The following MYRIP variants were observed in gnomAD, a reference collection of about 807,000 sequenced individuals.
MYRIP encodes myosin VIIA and Rab interacting protein, also known as rab effector MyRIP.
A neutral mutation model predicts 98.0 loss-of-function variants in MYRIP; 49 were observed. The ratio of observed to expected loss-of-function variants is 0.50; its 90% confidence interval spans 0.40 to 0.63. The LOEUF is 0.63. Ranked by LOEUF, MYRIP falls within the 30% of genes least tolerant of loss-of-function variation. The pLI, the probability that MYRIP is intolerant of heterozygous loss-of-function variation, is 0.00. For synonymous variants in MYRIP, 404 were observed against 409.5 expected (o/e 0.99, Z 0.16); for missense variants, 1,004 against 1,058.2 (o/e 0.95, Z 0.71).
At chr3:39,889,082 G>A (rs1170889641) in intron 1 of MYRIP, among the ~76,000 whole-genome samples, 1 of 152,106 alleles carries the variant, frequency 6.6e-6, no homozygotes, top group Non-Finnish European at 1.5e-5. Context: ...CTGTTGGTGG[G>A]ACTGTAAACT....
chr3:40,042,454 T>A (rs923309247), intron 2 of MYRIP, among the ~76,000 whole-genome samples: 2 of 152,080 alleles, frequency 1.3e-5, no homozygotes, highest in Non-Finnish European at 2.9e-5. Flanking sequence ...AAATTAAGCA[T>A]TTCTAAATGA....
At chr3:40,035,576 G>C (rs936191325) in intron 2 of MYRIP, among the ~76,000 whole-genome samples, 2 of 151,904 alleles carry the variant, frequency 1.3e-5, no homozygotes, top group African/African-American at 4.8e-5. Flanking sequence ...AATCAGGAAG[G>C]GGGCGTAAAA....
At chr3:39,949,326 C>T (rs1251465124) in intron 2 of MYRIP, among the ~76,000 whole-genome samples, 2 of 152,090 alleles carry the variant, frequency 1.3e-5, no homozygotes, top group African/African-American at 4.8e-5. Context: ...GTAACAATCC[C>T]TTGTCCTGTT....
At chr3:40,056,532 G>A (rs979330648) in intron 3 of MYRIP, among the ~76,000 whole-genome samples, 1 of 152,170 alleles carries the variant, frequency 6.6e-6, no homozygotes, top group Non-Finnish European at 1.5e-5. Flanking sequence ...AGCTGCTGTA[G>A]GGGCAAGCTT....
chr3:40,154,673 G>A (rs1950183946), intron 4 of MYRIP, among the ~76,000 whole-genome samples: 1 of 152,212 alleles, frequency 6.6e-6, no homozygotes, highest in East Asian at 1.9e-4. Context: ...AGCCCCACAT[G>A]TATTAGCTAT....
chr3:39,861,091 G>A (rs969207459), intron 1 of MYRIP, among the ~76,000 whole-genome samples: 3 of 152,210 alleles, frequency 2.0e-5, no homozygotes, highest in Admixed American at 1.3e-4. Flanking sequence ...CCACCCATAA[G>A]GGTGTTGTGA....
intron 4 of MYRIP, among the ~76,000 whole-genome samples, chr3:40,160,354 C>T (rs1276417955): frequency 6.6e-6 from 1 of 152,214 alleles, no homozygotes; most frequent in Non-Finnish European, 1.5e-5. Flanking sequence ...TGCCTGTTCT[C>T]AGATCTCCAG....
intron 1 of MYRIP, among the ~76,000 whole-genome samples, chr3:39,815,399 ATGTGTG>A (rs772232777): frequency 6.6e-6 from 1 of 151,532 alleles, no homozygotes; most frequent in Non-Finnish European, 1.5e-5. Flanking sequence ...CATCATATAT[ATGTGTG>A]TGTGTGTGTA....
intron 3 of MYRIP, among the ~76,000 whole-genome samples, chr3:40,142,095 C>T (rs1949913031): frequency 6.7e-6 from 1 of 148,876 alleles, no homozygotes; most frequent in South Asian, 2.2e-4. Context: ...TCTTGTCCCC[C>T]AGGCTTGAGT....
At chr3:40,212,262 G>A (rs1192699319) in intron 11 of MYRIP, among the ~76,000 whole-genome samples, 5 of 100,878 alleles carry the variant, frequency 5.0e-5, no homozygotes, top group Non-Finnish European at 6.7e-5. Context: ...ATATATACAC[G>A]TATATATATA....
chr3:40,109,292 G>A (rs1385136719), intron 3 of MYRIP, among the ~76,000 whole-genome samples: 10 of 152,136 alleles, frequency 6.6e-5, no homozygotes, highest in Non-Finnish European at 1.2e-4. Flanking sequence ...AAAACAAGAG[G>A]GAAATGTAGT....
intron 1 of MYRIP, among the ~76,000 whole-genome samples, chr3:39,879,805 ACAGGTCTGGGAT>A (rs935095171): frequency 1.5e-4 from 23 of 152,138 alleles, no homozygotes; most frequent in Non-Finnish European, 3.1e-4. Context: ...ACACACACAC[ACAGGTCTGGGAT>A]CAGACAAGGA....
rs1349856465 is a variant in MYRIP at position 40,169,940 on chromosome 3, C to T, written c.730-10C>T. ...AATAACTTGCCCCTTTTTTGTCCTC[C>T]CCTCCCCAGATTATACGAAAACAGA... On this transcript the variant is annotated splice_polypyrimidine_tract_variant and intron_variant, in intron 7 of 16. Transcript: ENST00000302541. 1.2e-6 allele frequency: 2 copies of T among 1,613,674 alleles called. No homozygotes were observed. Among genetic ancestry groups the T allele is most frequent in the Non-Finnish European group, 1.7e-6 (2 of 1,179,880 alleles).
At chr3:40,214,162 C>T (rs1952046242) in intron 11 of MYRIP, among the ~76,000 whole-genome samples, 1 of 152,168 alleles carries the variant, frequency 6.6e-6, no homozygotes, top group Non-Finnish European at 1.5e-5. Flanking sequence ...AAGTGTCATC[C>T]ATAAATCGCA....
chr3:40,165,860 G>T (rs182477648), intron 5 of MYRIP, among the ~76,000 whole-genome samples: 44 of 152,112 alleles, frequency 2.9e-4, no homozygotes, highest in African/African-American at 8.9e-4. Context: ...AAGGGCTTTG[G>T]ATTAGAAGGA....
intron 5 of MYRIP, among the ~76,000 whole-genome samples, chr3:40,163,245 T>C (rs1333771190): frequency 1.3e-5 from 2 of 152,244 alleles, no homozygotes; most frequent in Non-Finnish European, 2.9e-5. Context: ...AATAAAATTT[T>C]ATCATTTCAA....
chr3:40,008,634 C>T (rs989657751), intron 2 of MYRIP, among the ~76,000 whole-genome samples: 1 of 152,160 alleles, frequency 6.6e-6, no homozygotes, highest in Non-Finnish European at 1.5e-5. Context: ...CGAGGGAGAA[C>T]AGCACTTCAG....
intron 3 of MYRIP, among the ~76,000 whole-genome samples, chr3:40,145,685 G>A (rs1372091931): frequency 1.3e-5 from 2 of 152,178 alleles, no homozygotes; most frequent in Non-Finnish European, 2.9e-5. Flanking sequence ...TTTACGTCTA[G>A]GATCCACAAC....
At chr3:39,864,262 A>G (rs113940837) in intron 1 of MYRIP, among the ~76,000 whole-genome samples, 12 of 152,282 alleles carry the variant, frequency 7.9e-5, no homozygotes, top group Middle Eastern at 3.4e-3. Context: ...GCCCTTTCTC[A>G]TCACTCCTAT....
Sources: allele counts gnomAD v4.1 joint callset (sites outside exome capture counted in the v4.1 genomes callset), GRCh38; gene constraint gnomAD v4.1.1; transcripts MANE v1.5; gene names NCBI Gene and HGNC (gene_info 2026-07-23, HGNC 2026-07-21).